VXN: variants seen among roughly 807,000 people sequenced by gnomAD.
VXN encodes uncharacterized protein C8orf46.
VXN carries 7 observed loss-of-function variants against 23.1 expected under a neutral mutation model. The observed-to-expected ratio is 0.30, with a 90% CI of 0.17 to 0.57. The LOEUF (loss-of-function observed/expected upper bound fraction) is 0.57, where lower values mean the gene tolerates loss of function less well. VXN is among the 20% of genes least tolerant of loss of function. VXN has a pLI of 0.91. For synonymous variants in VXN, 120 were observed against 105.8 expected, an observed-to-expected ratio of 1.13 and a Z score of -0.83; for missense variants, 238 against 272.6, an observed-to-expected ratio of 0.87 and a Z score of 0.89.
At chr8:66,495,230 A>G (rs1016063001) in intron 1 of VXN, among the ~76,000 whole-genome samples, 9 of 152,228 alleles carry the variant, frequency 5.9e-5, no homozygotes, top group African/African-American at 2.2e-4. Flanking sequence ...TTTCTTGTAT[A>G]TGAGAAGAAA....
chr8:66,514,527 C>T (rs904602461), intron 5 of VXN, among the ~76,000 whole-genome samples: 5 of 152,118 alleles, frequency 3.3e-5, no homozygotes, highest in Admixed American at 6.5e-5. Flanking sequence ...CCTCTACCTC[C>T]GGGGTTCAAA....
chr8:66,510,047 C>T, intron 3 of VXN, 49 bp from the exon 4 acceptor site: 1 of 1,533,756 alleles, frequency 6.5e-7, no homozygotes, highest in East Asian at 2.2e-5. Flanking sequence ...CAGTGGGAGG[C>T]AGAACACAGA....
chr8:66,495,634 C>T (rs962252351), intron 1 of VXN, among the ~76,000 whole-genome samples: 3 of 152,170 alleles, frequency 2.0e-5, no homozygotes, highest in African/African-American at 7.2e-5. Context: ...CATTTTCATT[C>T]ATGGCCACTT....
chr8:66,508,580 C>G lies in VXN; in HGVS notation c.281-1516C>G, dbSNP rs1807785939. Among the ~76,000 whole-genome samples, 3 of 152,176 alleles carry G rather than the reference C, an allele frequency of 2.0e-5. No individual in the cohort carries two copies. The South Asian group carries it at 6.2e-4, about 31-fold the overall frequency. On this transcript the variant is annotated intron_variant, in intron 3 of 5. Coordinates refer to ENST00000305454, the MANE Select transcript of VXN (RefSeq NM_152765.4). ...TCCTGCTTCCCAGCACTTTCCCTGACACTGTTCTCTCAGCAGATTGCCTTC... is the reference window on the plus strand; with the variant it reads ...TCCTGCTTCCCAGCACTTTCCCTGAGACTGTTCTCTCAGCAGATTGCCTTC...
At chr8:66,505,093 A>T (rs1289248390) in intron 2 of VXN, 10 of 546,826 alleles carry the variant, frequency 1.8e-5, no homozygotes, top group Admixed American at 9.8e-5. Flanking sequence ...CAGGCTCCTG[A>T]CCCTGTGAAG....
At chr8:66,513,420 G>T in intron 4 of VXN, 120 bp from the exon 5 acceptor site, 1 of 841,134 alleles carries the variant, frequency 1.2e-6, no homozygotes, top group African/African-American at 1.7e-5. Context: ...GCTGAATGAT[G>T]AGGACTATGC....
intron 1 of VXN, 67 bp downstream of exon 1, chr8:66,493,785 C>T (rs983699035): frequency 1.1e-5 from 14 of 1,295,732 alleles, no homozygotes; most frequent in South Asian, 3.6e-5. Flanking sequence ...AGGACAGTCA[C>T]GTGCTGCCTT....
At chr8:66,512,065 CA>C (rs35689084) in intron 4 of VXN, among the ~76,000 whole-genome samples, 5,184 of 68,306 alleles carry the variant, frequency 0.076, 136 homozygotes, top group East Asian at 0.27. Flanking sequence ...AACTCAGTTT[CA>C]AAAAAAAAAA....
At chr8:66,515,700 T>G (rs1035132154) in intron 5 of VXN, among the ~76,000 whole-genome samples, 193 bp from the exon 6 acceptor site, 5 of 152,154 alleles carry the variant, frequency 3.3e-5, no homozygotes, top group African/African-American at 1.2e-4. Flanking sequence ...CCTCCTCCAT[T>G]CATGCCATGG....
At chr8:66,501,326 G>A (rs937614016) in intron 2 of VXN, 7 of 152,036 alleles carry the variant, frequency 4.6e-5, no homozygotes, top group African/African-American at 1.7e-4. Flanking sequence ...TGCCTTTTTC[G>A]AGAACCTTTT....
At chr8:66,502,619 C>A (rs999057162) in intron 2 of VXN, among the ~76,000 whole-genome samples, 1 of 152,048 alleles carries the variant, frequency 6.6e-6, no homozygotes, top group East Asian at 1.9e-4. Flanking sequence ...TGGTGGCAGG[C>A]GCCTGTAGTC....
At chr8:66,505,669 C>A in intron 3 of VXN, 141 bp downstream of exon 3, 1 of 1,051,178 alleles carries the variant, frequency 9.5e-7, no homozygotes, top group Non-Finnish European at 1.3e-6. Flanking sequence ...TGTGCTTTCC[C>A]AAGTAAATGC....
chr8:66,512,723 C>T (rs1422700744), intron 4 of VXN, among the ~76,000 whole-genome samples: 1 of 152,146 alleles, frequency 6.6e-6, no homozygotes, highest in Non-Finnish European at 1.5e-5. Flanking sequence ...GGCCACCAGC[C>T]TCAGGGAAGG....
At chr8:66,510,029 T>C (rs1267547965) in intron 3 of VXN, 67 bp from the exon 4 acceptor site, 5 of 1,436,580 alleles carry the variant, frequency 3.5e-6, no homozygotes, top group Non-Finnish European at 3.9e-6. Flanking sequence ...AGGTAATTGA[T>C]GCAGGGCCAG....
intron 2 of VXN, among the ~76,000 whole-genome samples, chr8:66,499,389 T>G (rs1273176004): frequency 6.6e-6 from 1 of 151,380 alleles, no homozygotes; most frequent in Non-Finnish European, 1.5e-5. Flanking sequence ...TGAGCCACCA[T>G]GCCCAGCTAA....
intron 5 of VXN, among the ~76,000 whole-genome samples, chr8:66,515,154 C>T (rs1279174944): frequency 6.6e-6 from 1 of 152,222 alleles, no homozygotes; most frequent in Non-Finnish European, 1.5e-5. Flanking sequence ...TGTAAACCAG[C>T]AAAAATTTCA....
At chr8:66,510,235 A>C in intron 4 of VXN, 78 bp downstream of exon 4, 1 of 1,161,744 alleles carries the variant, frequency 8.6e-7, no homozygotes, top group Non-Finnish European at 1.2e-6. Flanking sequence ...TGTGCCATGA[A>C]GAGAGACTCA....
At chr8:66,498,032 G>C (rs770528639) in intron 2 of VXN, among the ~76,000 whole-genome samples, 39 of 152,254 alleles carry the variant, frequency 2.6e-4, no homozygotes, top group Non-Finnish European at 4.4e-4. Flanking sequence ...GTTGGGCATG[G>C]TGGCGCATGC....
intron 4 of VXN, 33 bp downstream of exon 4, chr8:66,510,190 T>C (rs762241233): frequency 6.7e-5 from 104 of 1,556,066 alleles, no homozygotes; most frequent in Non-Finnish European, 8.6e-5. Flanking sequence ...GTTGTATCTG[T>C]TGTGCATTAA....
Sources: allele counts gnomAD v4.1 joint callset (sites outside exome capture counted in the v4.1 genomes callset), GRCh38; gene constraint gnomAD v4.1.1; transcripts MANE v1.5; gene names NCBI Gene and HGNC (gene_info 2026-07-23, HGNC 2026-07-21).